Variants in TTC13 observed in about 807,000 individuals in gnomAD.
TTC13 encodes the protein tetratricopeptide repeat domain 13.
In TTC13, 62 loss-of-function variants were observed where a neutral mutation model predicts 120.0. That is an observed-to-expected ratio of 0.52 (90% confidence interval 0.42 to 0.64). The LOEUF is 0.64. Among genes scored for constraint, TTC13 ranks in the 30% least tolerant of loss-of-function variants. The pLI, the probability that TTC13 is intolerant of heterozygous loss-of-function variation, is 0.00. For synonymous variants in TTC13, 384 were observed against 393.5 expected, an observed-to-expected ratio of 0.98 and a Z score of 0.28; for missense variants, 824 against 1,050.2, an observed-to-expected ratio of 0.78 and a Z score of 2.98.
At chr1:230,928,866 T>C (rs1673281296) in intron 12 of TTC13, 71 bp downstream of exon 12, 1 of 1,534,916 alleles carries the variant, frequency 6.5e-7, no homozygotes, top group Non-Finnish European at 8.9e-7. Context: ...GGGAGTAGCG[T>C]GCCACCATGC....
chr1:230,932,845 A>T (rs888211503), intron 9 of TTC13, among the ~76,000 whole-genome samples: 3 of 152,214 alleles, frequency 2.0e-5, no homozygotes, highest in African/African-American at 7.2e-5. Flanking sequence ...CTTTTGTAGC[A>T]CCTTTACAAG....
chr1:230,973,800 G>A lies in TTC13; in HGVS notation c.271+4760C>T, dbSNP rs187317610. On this transcript the variant is annotated intron_variant, in intron 1 of 22. Coordinates refer to ENST00000366661, the MANE Select transcript of TTC13 (RefSeq NM_024525.5). ...CTTTGGTAAGAAGAGCAGAGGGGCCGGGCGTGGTGGCTCACGCCTGTAATT... is the reference window on the plus strand; with the variant it reads ...CTTTGGTAAGAAGAGCAGAGGGGCCAGGCGTGGTGGCTCACGCCTGTAATT... Among the ~76,000 whole-genome samples, 264 of 152,296 alleles carry A rather than the reference G, an allele frequency of 1.7e-3. 1 individual carries two copies. The highest frequency in any genetic ancestry group is 5.6e-3 in the African/African-American group (234 of 41,552).
intron 17 of TTC13, among the ~76,000 whole-genome samples, chr1:230,919,266 A>T (rs1267759859): frequency 6.6e-6 from 1 of 151,998 alleles, no homozygotes; most frequent in Non-Finnish European, 1.5e-5. Flanking sequence ...CTGTCTCAAA[A>T]AAAAAAAAAG....
At chr1:230,970,466 C>T (rs1377196663) in intron 1 of TTC13, among the ~76,000 whole-genome samples, 1 of 152,052 alleles carries the variant, frequency 6.6e-6, no homozygotes, top group Non-Finnish European at 1.5e-5. Context: ...TGACGGAAGA[C>T]AAGAGGAAAT....
chr1:230,913,865 C>T (rs557437228), intron 18 of TTC13, among the ~76,000 whole-genome samples: 2 of 152,252 alleles, frequency 1.3e-5, no homozygotes, highest in East Asian at 3.9e-4. Flanking sequence ...CAGGTTCCAA[C>T]AGGGAGATGG....
chr1:230,931,694 C>A, intron 10 of TTC13, 42 bp downstream of exon 10: 1 of 1,605,072 alleles, frequency 6.2e-7, no homozygotes, highest in Non-Finnish European at 8.5e-7. Flanking sequence ...GAAGAATAAT[C>A]CAGTAATTCC....
chr1:230,949,871 A>C (rs538809050), intron 4 of TTC13, among the ~76,000 whole-genome samples: 50 of 151,522 alleles, frequency 3.3e-4, no homozygotes, highest in South Asian at 4.2e-4. Flanking sequence ...GGATAGTCTC[A>C]ATCTCCTGAC....
intron 17 of TTC13, among the ~76,000 whole-genome samples, chr1:230,917,092 C>T (rs1672108621): frequency 6.6e-6 from 1 of 151,994 alleles, no homozygotes; most frequent in African/African-American, 2.4e-5. Flanking sequence ...CAGAAAGATG[C>T]ACCAGGTGTC....
intron 1 of TTC13, among the ~76,000 whole-genome samples, chr1:230,976,921 C>T (rs971698793): frequency 1.3e-5 from 2 of 152,210 alleles, no homozygotes; most frequent in Admixed American, 6.5e-5. Context: ...AACGCTGGGG[C>T]TCCTTTAGCC....
intron 5 of TTC13, 130 bp downstream of exon 5, chr1:230,945,259 C>A: frequency 1.2e-6 from 1 of 847,546 alleles, no homozygotes; most frequent in East Asian, 2.4e-5. Flanking sequence ...ATTTTCTCAT[C>A]TGTGAACTGG....
chr1:230,917,367 G>A (rs1672133534), intron 17 of TTC13, among the ~76,000 whole-genome samples: 1 of 152,108 alleles, frequency 6.6e-6, no homozygotes, highest in African/African-American at 2.4e-5. Context: ...TGGGAATGTG[G>A]GCCCAAGGTC....
At chr1:230,972,887 G>T (rs1182243442) in intron 1 of TTC13, among the ~76,000 whole-genome samples, 1 of 152,240 alleles carries the variant, frequency 6.6e-6, no homozygotes, top group Non-Finnish European at 1.5e-5. Context: ...GAAAGATGCT[G>T]TTCAGTGAGC....
At chr1:230,954,624 C>A (rs893884920) in intron 3 of TTC13, among the ~76,000 whole-genome samples, 3 of 152,204 alleles carry the variant, frequency 2.0e-5, no homozygotes, top group Non-Finnish European at 2.9e-5. Context: ...TTGTTAAAGT[C>A]ATCTATAAAA....
chr1:230,976,456 C>G (rs12752412), intron 1 of TTC13, among the ~76,000 whole-genome samples: 40,830 of 151,872 alleles, frequency 0.27, 5,750 homozygotes, highest in African/African-American at 0.31. Context: ...CCTACAACAA[C>G]AGAGTTGGCT....
At chr1:230,962,315 TG>T (rs1172144682) in intron 1 of TTC13, among the ~76,000 whole-genome samples, 4 of 152,108 alleles carry the variant, frequency 2.6e-5, no homozygotes, top group Admixed American at 6.6e-5. Flanking sequence ...GCAAAGGACC[TG>T]TATAGGCATT....
chr1:230,955,768 A>G (rs548104129), intron 3 of TTC13, among the ~76,000 whole-genome samples: 7 of 152,180 alleles, frequency 4.6e-5, no homozygotes, highest in African/African-American at 7.2e-5. Context: ...ATAAAGTTCA[A>G]ATTGAACACC....
chr1:230,931,477 G>A lies in TTC13; in HGVS notation c.1126-5C>T. 1 of 1,613,644 alleles carries A rather than the reference G, an allele frequency of 6.2e-7. No homozygotes were observed. On this transcript the variant is annotated splice_polypyrimidine_tract_variant and splice_region_variant and intron_variant, in intron 10 of 22. Transcript: ENST00000366661. ...TGGCTCTAGCTGCAGACACCGCTGA[G>A]GACAAAATGCTGCATTAGTATCAAC...
chr1:230,959,404 A>T (rs565967710), intron 2 of TTC13, among the ~76,000 whole-genome samples: 2 of 151,554 alleles, frequency 1.3e-5, no homozygotes, highest in African/African-American at 4.8e-5. Flanking sequence ...TTTTTGAGAC[A>T]AAGTTTCTCT....
intron 11 of TTC13, among the ~76,000 whole-genome samples, chr1:230,929,970 G>C (rs536564230): frequency 1.3e-5 from 2 of 152,242 alleles, no homozygotes; most frequent in Admixed American, 6.5e-5. Flanking sequence ...ATGAGGCTAG[G>C]GTGATTGAAA....
Sources: gnomAD v4.1 joint callset for allele counts (sites outside exome capture counted in the v4.1 genomes callset) on GRCh38, gnomAD v4.1.1 for gene constraint, MANE v1.5 for transcripts, NCBI Gene and HGNC (gene_info 2026-07-23, HGNC 2026-07-21) for gene names.